ANO8: variants seen among roughly 807,000 people sequenced by gnomAD.
ANO8 encodes the protein anoctamin 8, also known as anoctamin-8.
In ANO8, 67 loss-of-function variants were observed where a neutral mutation model predicts 120.4. That is an observed-to-expected ratio of 0.56 (90% CI 0.46 to 0.68). The LOEUF is 0.68. Among genes scored for constraint, ANO8 ranks in the 30% least tolerant of loss-of-function variants. ANO8 has a pLI of 0.00. For missense variants in ANO8, 1,526 were observed against 1,737.6 expected (o/e 0.88, Z 2.16); for synonymous variants, 727 against 759.2 (o/e 0.96, Z 0.70).
At position 17,328,686 on chromosome 19, in the gene ANO8, C is replaced by G; in HGVS notation, c.1702G>C (p.Gly568Arg). 1 of 1,394,780 alleles carries G rather than the reference C, an allele frequency of 7.2e-7. No homozygotes were observed. Among genetic ancestry groups the G allele is most frequent in the South Asian group, 1.5e-5 (1 of 66,292 alleles). The allele number at this position is 1,394,780 out of a possible 1,614,324, so 86.4% of individuals were successfully genotyped here. A position where few individuals can be genotyped will look rare whatever the true frequency, so the allele number is the denominator to read the frequency against. The change falls in exon 13 of 18, where the codon GGG becomes CGG. Residue 568 changes from glycine to arginine, a missense_variant. Around this residue, in one of 8 missense-constraint regions of ANO8, gnomAD observed 467 missense variants for 425.8 expected, o/e 1.10. Transcript: ENST00000159087. ...CCGTCCCCCTCCTCCCCGCCTTCCC[C>G]CGCCCGCCGCCGCTCCACCAGCGCC... Reference protein sequence around the residue: ...EAALVERRRAGEGGEEGDGPP... With the variant: ...EAALVERRRAREGGEEGDGPP...
At position 17,328,410 on chromosome 19, in the gene ANO8, C is replaced by T; in HGVS notation, c.1978G>A (p.Asp660Asn). 6.5e-7 allele frequency: 1 copy of T among 1,547,886 alleles called. No individual in the cohort carries two copies. The highest frequency in any genetic ancestry group is 8.7e-7 in the Non-Finnish European group (1 of 1,151,210). The change falls in exon 13 of 18, where the codon GAC (aspartate) becomes AAC (asparagine). Residue 660 changes from aspartate (D) to asparagine (N), a missense_variant. Transcript: ENST00000159087. Reference sequence around the variant, plus strand: ...CCGGGAGCCCCCTCCGCCTCGTCGTCCTCCTCGGCCAGGGTGAACACTCCC... The same window carrying T: ...CCGGGAGCCCCCTCCGCCTCGTCGTTCTCCTCGGCCAGGGTGAACACTCCC... ...EPGVFTLAEE[D>N]DEAEGAPGSP...
rs1007312491 is a variant in ANO8, at chr19:17,331,539, G to A, written c.587-128C>T. 24 of 777,330 alleles carry A rather than the reference G, an allele frequency of 3.1e-5. No homozygotes were observed. The African/African-American group carries it at 3.4e-4, about 11-fold the overall frequency. 48.2% of individuals were successfully genotyped at this position (777,330 alleles called of 1,614,324 possible). A position where few individuals can be genotyped will look rare whatever the true frequency, so the allele number is the denominator to read the frequency against. ...TAAACCTCTAGAGCTCTTTCCAGGG[G>A]AGAAGTTCTAGACGGATAGAAGATC... On this transcript the variant is annotated intron_variant, in intron 5 of 17. Coordinates refer to ENST00000159087, the MANE Select transcript of ANO8 (RefSeq NM_020959.3).
At position 17,331,192 on chromosome 19, in the gene ANO8, C is replaced by T. The variant is rs1192605188; in HGVS notation, c.727G>A (p.Val243Met). ...PLDDICDYFG[V>M]KIAMYFAWLG... ...CAGGCGAAGTACATGGCAATTTTCA[C>T]ACCAAAGTAATCACAGATGTCATCT... The change falls in exon 7 of 18, where the codon GTG becomes ATG. Residue 243 changes from valine (V) to methionine (M), a missense_variant. This residue lies in a region of ANO8 where 322 missense variants were observed against 431.8 expected (regional missense o/e 0.75). Transcript: ENST00000159087. 1.9e-6 allele frequency: 3 copies of T among 1,614,210 alleles called. No homozygotes were observed. Among genetic ancestry groups the T allele is most frequent in the Admixed American group, 3.3e-5 (2 of 60,026 alleles).
intron 16 of ANO8, among the ~76,000 whole-genome samples, chr19:17,326,327 C>A (rs527800294): frequency 3.3e-4 from 50 of 152,180 alleles, no homozygotes; most frequent in Admixed American, 1.9e-3. Context: ...CATGGTGAAA[C>A]CCCATCTCTA....
rs988799714 is a variant in ANO8 at position 17,323,304 on chromosome 19, G to A, written c.*213C>T. ...ATAAATTAAAAACAAATAAATAATC[G>A]CCTGTTCTGTGTGTGTGTGTGTGTG... On this transcript the variant is annotated 3_prime_UTR_variant, in exon 18 of 18. Transcript: ENST00000159087. The A allele has an allele frequency of 1.5e-5, 4 of 266,588 alleles. No individual in the cohort carries two copies. Among genetic ancestry groups the A allele is most frequent in the Non-Finnish European group, 2.7e-5 (4 of 146,138 alleles). 16.5% of individuals were successfully genotyped at this position (266,588 alleles called of 1,614,324 possible). A position where few individuals can be genotyped will look rare whatever the true frequency, so the allele number is the denominator to read the frequency against.
At chr19:17,332,551 A>G (rs1024756371) in intron 5 of ANO8, among the ~76,000 whole-genome samples, 1 of 152,110 alleles carries the variant, frequency 6.6e-6, no homozygotes, top group Non-Finnish European at 1.5e-5. Flanking sequence ...AGTGCTGTCC[A>G]TGGTTCCTGC....
chr19:17,324,861 C>T lies in ANO8; in HGVS notation c.3187G>A (p.Glu1063Lys), dbSNP rs760029411. 3.1e-6 allele frequency: 5 copies of T among 1,612,832 alleles called. No homozygotes were observed. Among genetic ancestry groups the T allele is most frequent in the Non-Finnish European group, 4.2e-6 (5 of 1,179,696 alleles). ...KLFPFGGTRA[E>K]PGSNGAGGQA... is the part of the protein sequence containing the mutation. ...CCGCCCGCCCCGTTGGACCCAGGCT[C>T]AGCCCGGGTGCCACCAAAGGGGAAG... Residue 1063 changes from glutamate (E) to lysine (K), a missense_variant, in exon 17 of 18, where the codon GAG becomes AAG. Glu to Lys is a moderately conservative substitution (Grantham distance 56). Coordinates refer to ENST00000159087, the MANE Select transcript of ANO8 (RefSeq NM_020959.3).
chr19:17,327,170 C>A, intron 16 of ANO8, 65 bp downstream of exon 16: 1 of 1,376,866 alleles, frequency 7.3e-7, no homozygotes, highest in South Asian at 1.4e-5. Flanking sequence ...GAATTGGCCA[C>A]CAAGATCAGA....
rs544925701 is a variant in ANO8, at chr19:17,334,480, T to G, written c.106+85A>C. On this transcript the variant is annotated intron_variant, in intron 1 of 17. Coordinates refer to ENST00000159087, the MANE Select transcript of ANO8 (RefSeq NM_020959.3). ...GTCCAGACACCACGCCAGGTTACGT[T>G]TGACCCTGATCCTCCTCCCCGTGTA... 287 of 1,221,868 alleles carry G rather than the reference T, an allele frequency of 2.3e-4. 2 individuals are homozygous for G. In the African/African-American group the frequency reaches 4.1e-3, roughly 18 times the overall value. 75.7% of individuals were successfully genotyped at this position (1,221,868 alleles called of 1,614,324 possible).
Position 17,325,189 on chromosome 19 carries a change from G to T in ANO8, c.2859C>A (p.Ser953Arg), listed in dbSNP as rs2074265876. 1.2e-6 allele frequency: 2 copies of T among 1,612,956 alleles called. No homozygotes were observed. Among genetic ancestry groups the T allele is most frequent in the Non-Finnish European group, 1.7e-6 (2 of 1,179,790 alleles). Residue 953 changes from serine (S) to arginine (R), a missense_variant, in exon 17 of 18, where the codon AGC (serine) becomes AGA (arginine). Physicochemically the swap from Ser to Arg is moderately radical, Grantham distance 110. Around this residue, in one of 8 missense-constraint regions of ANO8, gnomAD observed 489 missense variants for 548.6 expected, o/e 0.89. Transcript: ENST00000159087. ...GTTCAGGCCCGTGGCCACCCGCAGT[G>T]CTGCCCTTGGCCTTGGCAGAGGCCT... ...SEKASAKAKG[S>R]TAGGHGPERP...
rs774999433 is a variant in ANO8, at chr19:17,331,429, C to G, written c.587-18G>C. The G allele has an allele frequency of 6.2e-7, 1 of 1,608,426 alleles. No homozygotes were observed. Among genetic ancestry groups the G allele is most frequent in the Non-Finnish European group, 8.5e-7 (1 of 1,176,648 alleles). On this transcript the variant is annotated intron_variant, in intron 5 of 17. Coordinates refer to ENST00000159087, the MANE Select transcript of ANO8 (RefSeq NM_020959.3). ...CTCCGGGACTGTGGAGGGAGGAGCA[C>G]AGGTGATCCCCGCCCCTCCACCTGT... is the stretch of plus-strand genomic sequence containing the variant.
intron 16 of ANO8, among the ~76,000 whole-genome samples, chr19:17,326,935 T>C (rs11666308): frequency 0.44 from 66,676 of 152,048 alleles, 16,195 homozygotes; most frequent in African/African-American, 0.63. Flanking sequence ...TTATTATTGC[T>C]TATTATTACT....
rs1376596004 is a variant in ANO8, at chr19:17,333,240, C to T, written c.351-1G>A. On this transcript the variant is annotated splice_acceptor_variant, in intron 3 of 17. Transcript: ENST00000159087. LOFTEE classifies it high-confidence loss of function. This position sits in a 1 kb window ranked among gnomAD's most constrained non-coding sequence, Gnocchi z 7.2. ...CAGCTCGTCGGCCCCTCGGAGTAGGCTGTGAAGAAGGCGGAGGAGGTGGGC... is the reference window on the plus strand; with the variant it reads ...CAGCTCGTCGGCCCCTCGGAGTAGGTTGTGAAGAAGGCGGAGGAGGTGGGC... 2 of 1,608,544 alleles carry T rather than the reference C, an allele frequency of 1.2e-6. No individual in the cohort carries two copies. The highest frequency in any genetic ancestry group is 1.7e-6 in the Non-Finnish European group (2 of 1,176,554).
intron 16 of ANO8, among the ~76,000 whole-genome samples, chr19:17,326,901 G>A (rs1047524106): frequency 1.3e-5 from 2 of 152,240 alleles, no homozygotes; most frequent in African/African-American, 4.8e-5. Context: ...TTCCAGAAGC[G>A]ACTGGACCCG....
Position 17,330,523 on chromosome 19 carries a change from C to CCACCATGATGGT in ANO8, c.994-20_994-19insACCATCATGGTG. On this transcript the variant is annotated intron_variant, in intron 8 of 17. Transcript: ENST00000159087. ...GCACGCCCTGATGGTGGGCAAAGAC[C>CCACCATGATGGT]GGGCCCAGCATGAGCTCAGAGGGGC... The CCACCATGATGGT allele has an allele frequency of 6.7e-7, 1 of 1,494,316 alleles. No individual in the cohort carries two copies. Among genetic ancestry groups the CCACCATGATGGT allele is most frequent in the East Asian group, 2.5e-5 (1 of 40,726 alleles). The allele number at this position is 1,494,316 out of a possible 1,614,324, so 92.6% of individuals were successfully genotyped here.
Position 17,331,349 on chromosome 19 carries a change from G to A in ANO8, c.649C>T (p.Leu217=). Residue 217 remains leucine (L), a synonymous_variant, in exon 6 of 18, where the codon CTG becomes TTG. Transcript: ENST00000159087. ...ACCCATGACTTCATGAGGCGGTTCAGAATACGCTGCTCGTGGACAGGGAAC... is the reference window on the plus strand; with the variant it reads ...ACCCATGACTTCATGAGGCGGTTCAAAATACGCTGCTCGTGGACAGGGAAC... ...QVFPVHEQRI[L]NRLMKSWVQA... is the part of the protein sequence containing the mutation. 6.2e-7 allele frequency: 1 copy of A among 1,614,110 alleles called. No individual in the cohort carries two copies. Among genetic ancestry groups the A allele is most frequent in the Non-Finnish European group, 8.5e-7 (1 of 1,180,034 alleles).
At chr19:17,325,460 G>A in intron 16 of ANO8, 74 bp from the exon 17 acceptor site, 1 of 1,496,368 alleles carries the variant, frequency 6.7e-7, no homozygotes, top group Non-Finnish European at 8.8e-7. Flanking sequence ...GCTGGTGCAT[G>A]CCAGGGCTCT....
chr19:17,332,143 G>T (rs2074323707), intron 5 of ANO8, among the ~76,000 whole-genome samples: 1 of 148,740 alleles, frequency 6.7e-6, no homozygotes, highest in East Asian at 2.0e-4. Context: ...CACCATGTTG[G>T]CCAGGATGGT....
rs369674818 is a variant in ANO8 at position 17,333,284 on chromosome 19, C to T, written c.351-45G>A. ...GGTGGGCTCACAGGGAGGCCCCGGC[C>T]CACCATCCTGGAGCTGAGGATGGTG... On this transcript the variant is annotated intron_variant, in intron 3 of 17. Transcript: ENST00000159087. The surrounding 1 kb of genome is among the most constrained non-coding windows in gnomAD (Gnocchi z 7.2). 55 of 1,601,978 alleles carry T rather than the reference C, an allele frequency of 3.4e-5. No individual in the cohort carries two copies. In the African/African-American group the frequency reaches 6.0e-4, roughly 18 times the overall value.
Sources: allele counts gnomAD v4.1 joint callset (sites outside exome capture counted in the v4.1 genomes callset), GRCh38; gene constraint gnomAD v4.1.1; regional missense constraint gnomAD v4.1.1; non-coding constraint Gnocchi (gnomAD v3.1); transcripts MANE v1.5; gene names NCBI Gene and HGNC (gene_info 2026-07-23, HGNC 2026-07-21).